ZNF529: variants seen among roughly 807,000 people sequenced by gnomAD.
ZNF529 encodes zinc finger protein 529.
Under a neutral mutation model 10.1 loss-of-function variants are expected in ZNF529, and 11 were observed. That is an observed-to-expected ratio of 1.09 (90% CI 0.69 to 1.81). The LOEUF is 1.81. Among genes scored for constraint, ZNF529 ranks in the 40% most tolerant of loss-of-function variants. The pLI, the probability that ZNF529 is intolerant of heterozygous loss-of-function variation, is 0.00. For synonymous variants in ZNF529, 204 were observed against 215.7 expected (o/e 0.95, Z 0.47); for missense variants, 624 against 666.8 (o/e 0.94, Z 0.71).
chr19:36,555,161 G>A (rs2035417600), intron 3 of ZNF529, among the ~76,000 whole-genome samples: 1 of 152,054 alleles, frequency 6.6e-6, no homozygotes, highest in African/African-American at 2.4e-5. Context: ...CCCTGTACAG[G>A]AGAAAAATAT....
At chr19:36,591,019 C>T (rs944951148) in intron 1 of ZNF529, among the ~76,000 whole-genome samples, 1 of 151,280 alleles carries the variant, frequency 6.6e-6, no homozygotes, top group African/African-American at 2.4e-5. Context: ...GAACTTATCA[C>T]TAAGGAGCAT....
chr19:36,551,479 C>A (rs1304442814), intron 4 of ZNF529, among the ~76,000 whole-genome samples: 8 of 152,110 alleles, frequency 5.3e-5, no homozygotes, highest in African/African-American at 1.9e-4. Flanking sequence ...TATACTGAAC[C>A]AATAAAATCA....
intron 2 of ZNF529, among the ~76,000 whole-genome samples, chr19:36,571,952 G>A (rs1343592557): frequency 6.6e-6 from 1 of 150,402 alleles, no homozygotes; most frequent in Non-Finnish European, 1.5e-5. Flanking sequence ...TGTCTCCAAA[G>A]CCAACTTTGT....
Position 36,556,141 on chromosome 19 carries a change from A to C in ZNF529, c.71T>G (p.Phe24Cys), listed in dbSNP as rs1366514532. The C allele has an allele frequency of 9.1e-6, 14 of 1,543,236 alleles. No homozygotes were observed. The highest frequency in any genetic ancestry group is 1.2e-5 in the Non-Finnish European group (14 of 1,139,338). ...APHAVMPEVE[F>C]PDQFFTVLTM... ...TAGAACTGTAAAGAATTGGTCAGGGAATTCCACTTCTGGCATGACAGCATG... is the reference window on the plus strand; with the variant it reads ...TAGAACTGTAAAGAATTGGTCAGGGCATTCCACTTCTGGCATGACAGCATG... The change falls in exon 3 of 5, where the codon TTC becomes TGC. Residue 24 changes from phenylalanine to cysteine, a missense_variant. Coordinates refer to ENST00000591340, the MANE Select transcript of ZNF529 (RefSeq NM_020951.5).
chr19:36,597,618 T>C (rs1291732708), intron 1 of ZNF529, among the ~76,000 whole-genome samples: 1 of 152,204 alleles, frequency 6.6e-6, no homozygotes. Flanking sequence ...CTTATGTGCA[T>C]GTCTTTGTCC....
chr19:36,573,503 G>A (rs1426559980), upstream of ZNF529: 2 of 470,800 alleles, frequency 4.2e-6, no homozygotes, highest in East Asian at 6.9e-5. Flanking sequence ...CGGAAGAGGC[G>A]GCTGGTGGTC....
chr19:36,592,216 C>T (rs539051317), intron 1 of ZNF529, among the ~76,000 whole-genome samples: 5 of 135,464 alleles, frequency 3.7e-5, no homozygotes, highest in East Asian at 2.3e-4. Context: ...ACCCGGGAGG[C>T]GGAGGTTGCA....
intron 3 of ZNF529, among the ~76,000 whole-genome samples, chr19:36,555,394 C>T (rs2035429308): frequency 1.1e-5 from 1 of 89,396 alleles, no homozygotes; most frequent in Admixed American, 9.5e-5. Context: ...CCCGGGTTCA[C>T]GCCATTCTCC....
chr19:36,591,004 T>C (rs1405358003), intron 1 of ZNF529, among the ~76,000 whole-genome samples: 1 of 151,022 alleles, frequency 6.6e-6, no homozygotes, highest in East Asian at 1.9e-4. Context: ...ACAAATTACA[T>C]GAAAGAACTT....
At chr19:36,553,649 A>G (rs2145801583) in intron 4 of ZNF529, among the ~76,000 whole-genome samples, 1 of 152,334 alleles carries the variant, frequency 6.6e-6, no homozygotes, top group South Asian at 2.1e-4. Flanking sequence ...TAAATTGTAG[A>G]GATTCTTTTA....
chr19:36,567,032 C>T (rs986625966), intron 2 of ZNF529, among the ~76,000 whole-genome samples: 3 of 151,526 alleles, frequency 2.0e-5, no homozygotes, highest in African/African-American at 7.3e-5. Context: ...AAAAAAAATT[C>T]ATATGACATT....
chr19:36,598,541 T>C (rs1052667104), intron 1 of ZNF529, among the ~76,000 whole-genome samples: 2 of 151,944 alleles, frequency 1.3e-5, no homozygotes. Flanking sequence ...TGGGAGGTTA[T>C]GTACAGTTGC....
At chr19:36,556,264 C>T in intron 2 of ZNF529, 67 bp from the exon 3 acceptor site, 1 of 716,124 alleles carries the variant, frequency 1.4e-6, no homozygotes, top group East Asian at 2.7e-5. Flanking sequence ...TAGGAATGTA[C>T]AGCAAATGAA....
At chr19:36,570,837 TC>T (rs1321818682) in intron 2 of ZNF529, among the ~76,000 whole-genome samples, 3 of 152,210 alleles carry the variant, frequency 2.0e-5, no homozygotes, top group Non-Finnish European at 4.4e-5. Context: ...CTTTTTTTCT[TC>T]CCTTGCAGAT....
chr19:36,555,318 G>A lies in ZNF529; in HGVS notation c.109-522C>T, dbSNP rs1203933037. Among the ~76,000 whole-genome samples the A allele has an allele frequency of 3.3e-5, 3 of 90,336 alleles. 1 individual carries two copies. Among genetic ancestry groups the A allele is most frequent in the African/African-American group, 1.8e-4 (3 of 17,094 alleles). 59.3% of individuals were successfully genotyped at this position (90,336 alleles called of 152,430 possible). On this transcript the variant is annotated intron_variant, in intron 3 of 4. Coordinates refer to ENST00000591340, the MANE Select transcript of ZNF529 (RefSeq NM_020951.5). Reference sequence around the variant, plus strand: ...TTTTTTTTTTTTGAGACGGAGTCTCGCTCTGTCGCCCAGGCCGGACTGCGG... The same window carrying A: ...TTTTTTTTTTTTGAGACGGAGTCTCACTCTGTCGCCCAGGCCGGACTGCGG...
chr19:36,601,270 A>AT (rs960059477), intron 1 of ZNF529, among the ~76,000 whole-genome samples: 2 of 150,818 alleles, frequency 1.3e-5, no homozygotes, highest in South Asian at 2.1e-4. Flanking sequence ...CACCTGGCTA[A>AT]TTTTTTTTTA....
chr19:36,577,157 G>A (rs900815766), upstream of ZNF529: 3 of 452,802 alleles, frequency 6.6e-6, no homozygotes, highest in African/African-American at 2.0e-5. Context: ...ACAAGGTTTC[G>A]CCACATTGAC....
chr19:36,552,204 G>C (rs982542835), intron 4 of ZNF529, among the ~76,000 whole-genome samples: 1 of 152,082 alleles, frequency 6.6e-6, no homozygotes, highest in Non-Finnish European at 1.5e-5. Context: ...GCCAAGGCGG[G>C]CAGATCACGA....
At chr19:36,553,715 TA>T (rs2035350992) in intron 4 of ZNF529, among the ~76,000 whole-genome samples, 1 of 152,124 alleles carries the variant, frequency 6.6e-6, no homozygotes. Flanking sequence ...AGAAGGCAGG[TA>T]AGAATATAAA....
Sources: allele counts gnomAD v4.1 joint callset (sites outside exome capture counted in the v4.1 genomes callset), GRCh38; gene constraint gnomAD v4.1.1; transcripts MANE v1.5; gene names NCBI Gene and HGNC (gene_info 2026-07-23, HGNC 2026-07-21).